Variants in MAF observed in about 807,000 individuals in gnomAD.
MAF encodes the protein transcription factor Maf.
In MAF, 10 loss-of-function variants were observed where a neutral mutation model predicts 22.0. The ratio of observed to expected loss-of-function variants is 0.45; its 90% confidence interval spans 0.28 to 0.77. MAF has a LOEUF of 0.77. Ranked by LOEUF, MAF falls within the 30% of genes least tolerant of loss-of-function variation. The pLI, the probability that MAF is intolerant of heterozygous loss-of-function variation, is 0.12. For missense variants in MAF, 544 were observed against 548.4 expected (o/e 0.99, Z 0.08); for synonymous variants, 337 against 255.8 (o/e 1.32, Z -3.03).
At chr16:79,312,678 T>C in the MAF span, among the ~76,000 whole-genome samples, 1 of 152,200 alleles carries the variant, frequency 6.6e-6, no homozygotes, top group Non-Finnish European at 1.5e-5. Flanking sequence ...ACCACAACAA[T>C]TATTCTGTAA....
At chr16:79,220,707 G>A in the MAF span, among the ~76,000 whole-genome samples, 1 of 152,122 alleles carries the variant, frequency 6.6e-6, no homozygotes, top group Admixed American at 6.5e-5. Flanking sequence ...GGAGAATGCT[G>A]GGGTCAAACA....
At chr16:79,457,597 A>G in the MAF span, among the ~76,000 whole-genome samples, 1 of 152,222 alleles carries the variant, frequency 6.6e-6, no homozygotes, top group African/African-American at 2.4e-5. Context: ...CAGCCGTCCA[A>G]TAAATTATAC....
At chr16:79,248,798 CA>C in the MAF span, among the ~76,000 whole-genome samples, 7,917 of 147,828 alleles carry the variant, frequency 0.054, 681 homozygotes, top group African/African-American at 0.19. Flanking sequence ...CCAAAATTTA[CA>C]AAAAAAAAAA....
chr16:79,481,967 A>T, the MAF span, among the ~76,000 whole-genome samples: 1 of 152,182 alleles, frequency 6.6e-6, no homozygotes, highest in East Asian at 1.9e-4. Context: ...ACTGGAGGTC[A>T]CCCTGGAATT....
At chr16:79,498,686 T>C in the MAF span, among the ~76,000 whole-genome samples, 1 of 152,130 alleles carries the variant, frequency 6.6e-6, no homozygotes, top group Non-Finnish European at 1.5e-5. Flanking sequence ...ATATGCCTGG[T>C]TAGTGGAAGA....
the MAF span, among the ~76,000 whole-genome samples, chr16:79,248,201 T>C: frequency 6.6e-6 from 1 of 151,950 alleles, no homozygotes; most frequent in African/African-American, 2.4e-5. Flanking sequence ...TACTCATGGT[T>C]AAGCCAAGCA....
At chr16:79,211,941 A>ATCTT in the MAF span, 5 of 1,537,544 alleles carry the variant, frequency 3.3e-6, no homozygotes, top group Non-Finnish European at 4.4e-6. Flanking sequence ...AGAGTGAAAA[A>ATCTT]TCTTAAGTAC....
chr16:79,453,324 G>C, the MAF span, among the ~76,000 whole-genome samples: 1 of 152,114 alleles, frequency 6.6e-6, no homozygotes, highest in Admixed American at 6.5e-5. Context: ...TCTGCCACAT[G>C]ATACTGGGTT....
At chr16:79,291,912 C>G in the MAF span, among the ~76,000 whole-genome samples, 1 of 150,948 alleles carries the variant, frequency 6.6e-6, no homozygotes, top group Admixed American at 6.6e-5. Flanking sequence ...ATGTGTGGGT[C>G]ACTGCAGAGA....
chr16:79,433,904 C>T, the MAF span, among the ~76,000 whole-genome samples: 1 of 152,160 alleles, frequency 6.6e-6, no homozygotes, highest in Non-Finnish European at 1.5e-5. Context: ...CAATGATGGC[C>T]TAGAGTTTGT....
the MAF span, among the ~76,000 whole-genome samples, chr16:79,219,536 G>A: frequency 3.3e-5 from 4 of 120,222 alleles, no homozygotes; most frequent in South Asian, 3.0e-4. Context: ...GGGCGACAGC[G>A]AGACTCTGCC....
At chr16:79,466,170 A>G in the MAF span, among the ~76,000 whole-genome samples, 1 of 152,182 alleles carries the variant, frequency 6.6e-6, no homozygotes, top group African/African-American at 2.4e-5. Context: ...ACACAGGGTT[A>G]CTTTCCCTGA....
At chr16:79,249,735 T>A in the MAF span, among the ~76,000 whole-genome samples, 3 of 152,122 alleles carry the variant, frequency 2.0e-5, no homozygotes, top group Non-Finnish European at 4.4e-5. Context: ...TCCCTGGCTG[T>A]TCCCCGCTCC....
chr16:79,395,146 A>G, the MAF span, among the ~76,000 whole-genome samples: 2 of 152,218 alleles, frequency 1.3e-5, no homozygotes, highest in Non-Finnish European at 2.9e-5. Context: ...TAGGAGGCCA[A>G]AGCGGTGGGC....
chr16:79,216,431 C>T, the MAF span, among the ~76,000 whole-genome samples: 41 of 152,210 alleles, frequency 2.7e-4, no homozygotes, highest in African/African-American at 8.2e-4. Context: ...TTGAACTTTA[C>T]GATGATGTAA....
At chr16:79,351,117 G>A in the MAF span, among the ~76,000 whole-genome samples, 2 of 152,104 alleles carry the variant, frequency 1.3e-5, no homozygotes, top group African/African-American at 4.8e-5. Flanking sequence ...GCTGCTTCAC[G>A]ATTGAGTCCT....
chr16:79,437,276 G>C, the MAF span, among the ~76,000 whole-genome samples: 248 of 152,124 alleles, frequency 1.6e-3, 1 homozygote, highest in African/African-American at 5.6e-3. Flanking sequence ...TGCAATCCTA[G>C]CTCTCCTTCG....
At chr16:79,251,163 G>A in the MAF span, among the ~76,000 whole-genome samples, 1 of 152,150 alleles carries the variant, frequency 6.6e-6, no homozygotes, top group Non-Finnish European at 1.5e-5. Context: ...GCATACTTAG[G>A]ATTCCAAAAC....
the MAF span, among the ~76,000 whole-genome samples, chr16:79,502,107 A>G: frequency 6.6e-6 from 1 of 152,078 alleles, no homozygotes; most frequent in Non-Finnish European, 1.5e-5. Context: ...CGTGTCATCT[A>G]TTTCTCCCAG....
Sources: gnomAD v4.1 joint callset for allele counts (sites outside exome capture counted in the v4.1 genomes callset) on GRCh38, gnomAD v4.1.1 for gene constraint, MANE v1.5 for transcripts, NCBI Gene and HGNC (gene_info 2026-07-23, HGNC 2026-07-21) for gene names.